SLC39A12: variants seen among roughly 807,000 people sequenced by gnomAD.
The protein encoded by SLC39A12 is zinc transporter ZIP12.
In SLC39A12, 63 loss-of-function variants were observed where a neutral mutation model predicts 71.1. That is an observed-to-expected ratio of 0.89 (90% CI 0.72 to 1.09). The LOEUF is 1.09. SLC39A12 is among the 50% of genes least tolerant of loss of function. The pLI, the probability that SLC39A12 is intolerant of heterozygous loss-of-function variation, is 0.00. For synonymous variants in SLC39A12, 351 were observed against 301.3 expected (o/e 1.16, Z -1.71); for missense variants, 892 against 812.6 (o/e 1.10, Z -1.19).
At chr10:18,035,543 A>G (rs1444703815) in intron 12 of SLC39A12, among the ~76,000 whole-genome samples, 1 of 151,414 alleles carries the variant, frequency 6.6e-6, no homozygotes, top group African/African-American at 2.4e-5. Context: ...CTAGTTTTAC[A>G]TTCTTCTAAA....
intron 11 of SLC39A12, chr10:18,002,430 C>T (rs1328713711): frequency 6.6e-6 from 1 of 152,306 alleles, no homozygotes; most frequent in East Asian, 1.9e-4. Context: ...ATGTAGCCCC[C>T]AGTCCTCAAC....
chr10:18,035,651 CAA>C (rs977901230), intron 12 of SLC39A12, among the ~76,000 whole-genome samples: 8 of 152,242 alleles, frequency 5.3e-5, no homozygotes, highest in Non-Finnish European at 1.0e-4. Context: ...CTCAGCTCGT[CAA>C]AGTCATTCTC....
chr10:18,019,278 C>T (rs1307245458), intron 12 of SLC39A12, among the ~76,000 whole-genome samples: 1 of 151,762 alleles, frequency 6.6e-6, no homozygotes, highest in Non-Finnish European at 1.5e-5. Context: ...TTTGTATCTT[C>T]TCTCCTTTTT....
intron 12 of SLC39A12, among the ~76,000 whole-genome samples, chr10:18,013,624 A>G (rs544716905): frequency 4.3e-4 from 66 of 152,252 alleles, no homozygotes; most frequent in Middle Eastern, 6.8e-3. Flanking sequence ...CTCTTGCCTC[A>G]GCCTCCCAAA....
chr10:18,042,862 G>A lies in SLC39A12; in HGVS notation c.*29G>A. Reference sequence around the variant, plus strand: ...AGGATCTTCAACATCTTTCAAAAATGCATTTATATAGTCTTACTTTGTTTC... The same window carrying A: ...AGGATCTTCAACATCTTTCAAAAATACATTTATATAGTCTTACTTTGTTTC... On this transcript the variant is annotated 3_prime_UTR_variant, in exon 13 of 13. Coordinates refer to ENST00000377369, the MANE Select transcript of SLC39A12 (RefSeq NM_001145195.2). The A allele has an allele frequency of 7.6e-6, 12 of 1,582,788 alleles. No homozygotes were observed. Among genetic ancestry groups the A allele is most frequent in the Non-Finnish European group, 1.0e-5 (12 of 1,164,058 alleles).
intron 11 of SLC39A12, chr10:18,002,608 T>C (rs534360191): frequency 6.6e-6 from 1 of 152,188 alleles, no homozygotes; most frequent in Non-Finnish European, 1.5e-5. Context: ...TCAGATTTAC[T>C]AACAGGTCAA....
rs1835253650 is a variant in SLC39A12 at position 17,981,404 on chromosome 10, G to A, written c.1017G>A (p.Gly339=). 1 of 1,613,824 alleles carries A rather than the reference G, an allele frequency of 6.2e-7. No homozygotes were observed. Among genetic ancestry groups the A allele is most frequent in the South Asian group, 1.1e-5 (1 of 91,052 alleles). The change falls in exon 6 of 13, where the codon GGG becomes GGA. Residue 339 remains glycine (G), a synonymous_variant. Transcript: ENST00000377369. ...AGGACTTTAAGCAAATGAGTCCAGG[G>A]ATCATCCAGCAGCTCCTCAGCTGCT... ...SKEDFKQMSP[G]IIQQLLSCSC...
chr10:17,974,770 G>A (rs544920191), intron 4 of SLC39A12, among the ~76,000 whole-genome samples: 89 of 152,182 alleles, frequency 5.8e-4, no homozygotes, highest in South Asian at 3.3e-3. Flanking sequence ...ACCACTCCCC[G>A]GCTATGTTTG....
At chr10:18,021,500 G>A (rs1836532442) in intron 12 of SLC39A12, among the ~76,000 whole-genome samples, 1 of 151,960 alleles carries the variant, frequency 6.6e-6, no homozygotes, top group African/African-American at 2.4e-5. Flanking sequence ...TTTACTTTGA[G>A]TCTATGGGTT....
At chr10:17,954,380 A>C (rs933187149) in intron 2 of SLC39A12, among the ~76,000 whole-genome samples, 18 of 152,060 alleles carry the variant, frequency 1.2e-4, no homozygotes, top group Admixed American at 4.6e-4. Flanking sequence ...CAGCCTCCCA[A>C]GTAGCTGGGA....
chr10:17,974,365 G>A lies in SLC39A12; in HGVS notation c.752-3537G>A, dbSNP rs569469542. ...GGCATTGAAGAGTTAAGTATTTATT[G>A]TAGTCATCACTGTCTGGGCTTGTTT... On this transcript the variant is annotated intron_variant, in intron 4 of 12. Coordinates refer to ENST00000377369, the MANE Select transcript of SLC39A12 (RefSeq NM_001145195.2). 2.0e-3 allele frequency among the ~76,000 whole-genome samples: 299 copies of A among 152,262 alleles called. 3 individuals carry two copies. Among genetic ancestry groups the A allele is most frequent in the African/African-American group, 7.0e-3 (292 of 41,552 alleles).
At chr10:18,020,774 A>C (rs980137935) in intron 12 of SLC39A12, among the ~76,000 whole-genome samples, 1 of 152,022 alleles carries the variant, frequency 6.6e-6, no homozygotes, top group East Asian at 1.9e-4. Context: ...TCATCTTTTG[A>C]GACATGTCTG....
At chr10:17,957,210 T>C (rs1328170270) in intron 2 of SLC39A12, among the ~76,000 whole-genome samples, 1 of 152,156 alleles carries the variant, frequency 6.6e-6, no homozygotes, top group Non-Finnish European at 1.5e-5. Context: ...AGCTACCAAG[T>C]TGTTTTTTGT....
At chr10:18,034,609 A>C (rs1171195953) in intron 12 of SLC39A12, among the ~76,000 whole-genome samples, 1 of 151,672 alleles carries the variant, frequency 6.6e-6, no homozygotes, top group African/African-American at 2.4e-5. Context: ...CCAATTTGCC[A>C]GTCTGTGTCT....
chr10:18,030,626 T>TTATA (rs533068522), intron 12 of SLC39A12, among the ~76,000 whole-genome samples: 2 of 33,604 alleles, frequency 6.0e-5, no homozygotes, highest in African/African-American at 1.5e-4. Context: ...ATTTATGTAT[T>TTATA]TATTTATTTA....
intron 12 of SLC39A12, among the ~76,000 whole-genome samples, chr10:18,033,327 C>A (rs1291723063): frequency 2.7e-5 from 4 of 149,574 alleles, no homozygotes; most frequent in African/African-American, 9.8e-5. Context: ...ACAATTTCAG[C>A]TCCTGTTATT....
chr10:17,984,509 T>G (rs1835352221), intron 6 of SLC39A12, among the ~76,000 whole-genome samples: 1 of 152,228 alleles, frequency 6.6e-6, no homozygotes, highest in Non-Finnish European at 1.5e-5. Flanking sequence ...AACATCCAGG[T>G]GCTCATGTTA....
At position 17,987,057 on chromosome 10, in the gene SLC39A12, G is replaced by A. The variant is rs576036645; in HGVS notation, c.1097-422G>A. Among the ~76,000 whole-genome samples the A allele has an allele frequency of 2.6e-5, 4 of 152,278 alleles. No individual in the cohort carries two copies. The South Asian group carries it at 8.3e-4, about 32-fold the overall frequency. On this transcript the variant is annotated intron_variant, in intron 6 of 12. Transcript: ENST00000377369. ...ATTTAAAAATTCCAAGTTGGGGGCA[G>A]TGGGCTTACAACTGTAATCCCAGCC...
At chr10:18,029,393 T>C (rs1458503287) in intron 12 of SLC39A12, among the ~76,000 whole-genome samples, 1 of 152,192 alleles carries the variant, frequency 6.6e-6, no homozygotes, top group Non-Finnish European at 1.5e-5. Context: ...GGATGCACTT[T>C]AGCTAAAGAT....
Sources: gnomAD v4.1 joint callset for allele counts (sites outside exome capture counted in the v4.1 genomes callset) on GRCh38, gnomAD v4.1.1 for gene constraint, MANE v1.5 for transcripts, NCBI Gene and HGNC (gene_info 2026-07-23, HGNC 2026-07-21) for gene names.